ASCC3: variants seen among roughly 807,000 people sequenced by gnomAD.
The protein encoded by ASCC3 is ASC-1 complex subunit P200.
ASCC3 carries 158 observed loss-of-function variants against 256.3 expected under a neutral mutation model. The ratio of observed to expected loss-of-function variants is 0.62; its 90% CI spans 0.54 to 0.70. ASCC3 has a LOEUF of 0.70. Among genes scored for constraint, ASCC3 ranks in the 30% least tolerant of loss-of-function variants. ASCC3 has a pLI of 0.00. For synonymous variants in ASCC3, 948 were observed against 883.4 expected (o/e 1.07, Z -1.30); for missense variants, 2,259 against 2,626.0 (o/e 0.86, Z 3.05).
At chr6:100,676,720 AAGCAAATGTATGTGTG>A (rs1777027965) in intron 14 of ASCC3, among the ~76,000 whole-genome samples, 1 of 151,530 alleles carries the variant, frequency 6.6e-6, no homozygotes, top group Non-Finnish European at 1.5e-5. Context: ...GCCTTATTAC[AAGCAAATGTATGTGTG>A]CGCGCGCGTG....
At chr6:100,653,794 A>G (rs1055611570) in intron 17 of ASCC3, among the ~76,000 whole-genome samples, 5 of 152,120 alleles carry the variant, frequency 3.3e-5, no homozygotes, top group Non-Finnish European at 4.4e-5. Context: ...CAGAAATAAT[A>G]AAACATAAGA....
chr6:100,688,315 G>A (rs1343829101), intron 13 of ASCC3, among the ~76,000 whole-genome samples: 2 of 151,360 alleles, frequency 1.3e-5, no homozygotes, highest in African/African-American at 4.8e-5. Context: ...TATTAAAAAT[G>A]AAGGTGAGCA....
At chr6:100,804,340 T>A (rs537025552) in intron 5 of ASCC3, among the ~76,000 whole-genome samples, 185 of 152,238 alleles carry the variant, frequency 1.2e-3, no homozygotes, top group African/African-American at 4.1e-3. Flanking sequence ...ACTTTAAGTT[T>A]GAAAGTTGTC....
chr6:100,592,626 C>T (rs1330138849), intron 34 of ASCC3, among the ~76,000 whole-genome samples: 3 of 151,920 alleles, frequency 2.0e-5, no homozygotes, highest in Admixed American at 2.0e-4. Flanking sequence ...TTTATATGCT[C>T]TCGATTAGTA....
chr6:100,836,502 G>A (rs1343078457), intron 4 of ASCC3, among the ~76,000 whole-genome samples: 1 of 152,048 alleles, frequency 6.6e-6, no homozygotes, highest in Admixed American at 6.6e-5. Context: ...AAATGATCAG[G>A]AAGTTTTTGT....
rs571536721 is a variant in ASCC3 at position 100,527,222 on chromosome 6, T to C, written c.5776-9080A>G. On this transcript the variant is annotated intron_variant, in intron 37 of 41. Coordinates refer to ENST00000369162, the MANE Select transcript of ASCC3 (RefSeq NM_006828.4). ...AGTTCCTTGAAACATATCCATAAATTATTTACTTATAATCTACCCATCTTT... is the reference window on the plus strand; with the variant it reads ...AGTTCCTTGAAACATATCCATAAATCATTTACTTATAATCTACCCATCTTT... Among the ~76,000 whole-genome samples, 147 of 152,260 alleles carry C rather than the reference T, an allele frequency of 9.7e-4. 1 individual carries two copies. The highest frequency in any genetic ancestry group is 3.4e-3 in the Middle Eastern group (1 of 294).
At chr6:100,768,505 A>G (rs1400275073) in intron 8 of ASCC3, among the ~76,000 whole-genome samples, 1 of 152,218 alleles carries the variant, frequency 6.6e-6, no homozygotes, top group East Asian at 1.9e-4. Flanking sequence ...TCATAATGAC[A>G]AAGAGGTAAA....
chr6:100,665,609 A>C (rs1387041398), intron 14 of ASCC3, among the ~76,000 whole-genome samples: 1 of 151,854 alleles, frequency 6.6e-6, no homozygotes, highest in Non-Finnish European at 1.5e-5. Flanking sequence ...GCATGGTGGC[A>C]TGTGCCTGTA....
chr6:100,861,051 CAGG>C (rs1773201124), intron 3 of ASCC3, among the ~76,000 whole-genome samples: 2 of 152,030 alleles, frequency 1.3e-5, no homozygotes, highest in African/African-American at 2.4e-5. Context: ...GTAGTTCAGA[CAGG>C]AGGTGGTAAA....
chr6:100,511,349 C>T lies in ASCC3; in HGVS notation c.6286-1242G>A, dbSNP rs138205771. Among the ~76,000 whole-genome samples the T allele has an allele frequency of 3.3e-3, 497 of 152,230 alleles. 3 individuals are homozygous for T. The highest frequency in any genetic ancestry group is 0.011 in the African/African-American group (474 of 41,530). On this transcript the variant is annotated intron_variant, in intron 40 of 41. Transcript: ENST00000369162. The stretch of plus-strand genomic sequence containing the variant: ...AGGAGAATTGCTTAAACCCGGGAGG[C>T]GGAGGTTGCAGGGAGCTGATGTTGC...
chr6:100,709,481 C>CTT, intron 13 of ASCC3, among the ~76,000 whole-genome samples: 1 of 152,214 alleles, frequency 6.6e-6, no homozygotes, highest in East Asian at 1.9e-4. Flanking sequence ...TGGGAAGCTG[C>CTT]TTAACATGCC....
chr6:100,691,342 C>T (rs527687968), intron 13 of ASCC3, among the ~76,000 whole-genome samples: 39 of 152,030 alleles, frequency 2.6e-4, no homozygotes, highest in African/African-American at 7.2e-4. Context: ...ATTTTGAATG[C>T]ATTTCTCCTT....
chr6:100,547,002 A>G (rs1338662014), intron 36 of ASCC3, among the ~76,000 whole-genome samples: 1 of 152,112 alleles, frequency 6.6e-6, no homozygotes, highest in African/African-American at 2.4e-5. Flanking sequence ...CATGAGCACT[A>G]CATGACTTAT....
At chr6:100,640,866 T>C (rs1045982052) in intron 24 of ASCC3, among the ~76,000 whole-genome samples, 1 of 152,156 alleles carries the variant, frequency 6.6e-6, no homozygotes, top group Admixed American at 6.5e-5. Context: ...AAGTTTAAAG[T>C]CACATTAAGA....
At chr6:100,644,199 C>T in intron 22 of ASCC3, 70 bp from the exon 23 acceptor site, 1 of 1,020,006 alleles carries the variant, frequency 9.8e-7, no homozygotes, top group Non-Finnish European at 1.6e-6. Context: ...CCAATCTTCT[C>T]ACTCTAGAAG....
At chr6:100,536,604 C>A (rs1281510419) in intron 37 of ASCC3, among the ~76,000 whole-genome samples, 1 of 152,082 alleles carries the variant, frequency 6.6e-6, no homozygotes, top group Non-Finnish European at 1.5e-5. Context: ...ACCTTGGCAC[C>A]CCCTACCATC....
intron 17 of ASCC3, among the ~76,000 whole-genome samples, chr6:100,653,344 C>T (rs890641482): frequency 3.3e-5 from 5 of 151,956 alleles, no homozygotes; most frequent in Admixed American, 3.3e-4. Context: ...ATATTTAGAA[C>T]TGCAAAGTTA....
At chr6:100,521,373 A>G (rs545785891) in intron 37 of ASCC3, among the ~76,000 whole-genome samples, 47 of 152,298 alleles carry the variant, frequency 3.1e-4, no homozygotes, top group African/African-American at 1.1e-3. Flanking sequence ...GCTAAAGCAT[A>G]CAATAAGAAG....
At chr6:100,827,107 T>C (rs1771353025) in intron 4 of ASCC3, among the ~76,000 whole-genome samples, 1 of 152,224 alleles carries the variant, frequency 6.6e-6, no homozygotes, top group South Asian at 2.1e-4. Flanking sequence ...TTAGATGGAA[T>C]ATGTTTATAT....
Sources: allele counts gnomAD v4.1 joint callset (sites outside exome capture counted in the v4.1 genomes callset), GRCh38; gene constraint gnomAD v4.1.1; transcripts MANE v1.5; gene names NCBI Gene and HGNC (gene_info 2026-07-23, HGNC 2026-07-21).